The following MGRN1 variants were observed in gnomAD, a reference collection of about 807,000 sequenced individuals.
MGRN1 encodes mahogunin ring finger 1, also known as E3 ubiquitin-protein ligase MGRN1.
A neutral mutation model predicts 69.2 loss-of-function variants in MGRN1; 29 were observed. That is an observed-to-expected ratio of 0.42 (90% CI 0.31 to 0.57). The LOEUF (loss-of-function observed/expected upper bound fraction) is 0.57, where lower values mean the gene tolerates loss of function less well. Ranked by LOEUF, MGRN1 falls within the 20% of genes least tolerant of loss-of-function variation. The pLI is 0.15. For synonymous variants in MGRN1, 470 were observed against 344.2 expected (o/e 1.37, Z -4.04); for missense variants, 998 against 796.2 (o/e 1.25, Z -3.05).
chr16:4,655,415 C>A (rs188179992), intron 4 of MGRN1, among the ~76,000 whole-genome samples: 10 of 152,206 alleles, frequency 6.6e-5, no homozygotes, highest in Admixed American at 1.3e-4. Flanking sequence ...ACAGTCCCCC[C>A]CTCTCAGGAC....
At chr16:4,674,583 TTTTTTTTCTTTTCTTTTC>T in intron 10 of MGRN1, among the ~76,000 whole-genome samples, 3 of 141,730 alleles carry the variant, frequency 2.1e-5, no homozygotes, top group African/African-American at 7.8e-5. Context: ...CACCGCTTTT[TTTTTTTTCTTTTCTTTTC>T]TTTTTTTTTC....
intron 5 of MGRN1, among the ~76,000 whole-genome samples, chr16:4,660,858 G>A (rs1191273534): frequency 6.6e-6 from 1 of 152,244 alleles, no homozygotes; most frequent in African/African-American, 2.4e-5. Flanking sequence ...CCAGACCGGG[G>A]AAGGGAGTGT....
At chr16:4,665,347 G>A (rs1340594322) in intron 7 of MGRN1, among the ~76,000 whole-genome samples, 196 bp downstream of exon 7, 1 of 151,696 alleles carries the variant, frequency 6.6e-6, no homozygotes, top group African/African-American at 2.4e-5. Context: ...CCGCTGTCAG[G>A]AGGCTTAGCA....
chr16:4,671,946 C>T (rs2078945986), intron 9 of MGRN1, among the ~76,000 whole-genome samples: 1 of 152,228 alleles, frequency 6.6e-6, no homozygotes. Context: ...CACTCTGCTG[C>T]TCAGGCTGTA....
chr16:4,666,592 G>A (rs889645754), intron 7 of MGRN1, among the ~76,000 whole-genome samples: 1 of 152,208 alleles, frequency 6.6e-6, no homozygotes, highest in East Asian at 1.9e-4. Context: ...GGTGTGCAGA[G>A]ATCAGCAATG....
intron 8 of MGRN1, 107 bp downstream of exon 8, chr16:4,668,419 A>G: frequency 8.4e-7 from 1 of 1,192,260 alleles, no homozygotes; most frequent in Non-Finnish European, 1.2e-6. Context: ...ACGCACATAT[A>G]CTCATACACG....
At chr16:4,686,242 T>TAA in intron 16 of MGRN1, 1 of 1,541,246 alleles carries the variant, frequency 6.5e-7, no homozygotes, top group African/African-American at 1.4e-5. Flanking sequence ...CGTCTGTCTC[T>TAA]CCCCCTCTCC....
chr16:4,663,140 T>C (rs1231132253), intron 5 of MGRN1, among the ~76,000 whole-genome samples: 1 of 151,820 alleles, frequency 6.6e-6, no homozygotes, highest in East Asian at 1.9e-4. Flanking sequence ...CTCGGCTCAC[T>C]GCAATCTCCG....
At chr16:4,658,104 A>G (rs1567202016) in intron 5 of MGRN1, among the ~76,000 whole-genome samples, 1 of 151,634 alleles carries the variant, frequency 6.6e-6, no homozygotes, top group Non-Finnish European at 1.5e-5. Flanking sequence ...CTGCTTTGCT[A>G]GTTGCTCCTC....
intron 10 of MGRN1, among the ~76,000 whole-genome samples, chr16:4,675,537 G>A (rs536184386): frequency 1.3e-5 from 2 of 152,184 alleles, no homozygotes; most frequent in East Asian, 1.9e-4. Flanking sequence ...CCAAGAGTTC[G>A]AGACTAGCCT....
chr16:4,654,686 G>A (rs1363865291), intron 4 of MGRN1, among the ~76,000 whole-genome samples: 1 of 152,244 alleles, frequency 6.6e-6, no homozygotes, highest in Non-Finnish European at 1.5e-5. Flanking sequence ...AGTTCGGGTG[G>A]GTGGTGTGAG....
chr16:4,629,790 C>A (rs1439786001), intron 1 of MGRN1, among the ~76,000 whole-genome samples: 4 of 149,418 alleles, frequency 2.7e-5, no homozygotes, highest in African/African-American at 9.9e-5. Context: ...TCATGCCTGT[C>A]ATCTCAGCAT....
At chr16:4,679,430 A>G (rs1198915368) in intron 11 of MGRN1, among the ~76,000 whole-genome samples, 3 of 152,082 alleles carry the variant, frequency 2.0e-5, no homozygotes, top group African/African-American at 7.2e-5. Context: ...TCCTCTCTGC[A>G]TGGAGCAAAA....
chr16:4,684,988 C>T (rs546211107), intron 16 of MGRN1, among the ~76,000 whole-genome samples: 4 of 152,320 alleles, frequency 2.6e-5, no homozygotes, highest in East Asian at 3.9e-4. Context: ...CTTGTGCCCC[C>T]GGACTCTGGC....
chr16:4,655,057 C>G (rs747984533), intron 4 of MGRN1, among the ~76,000 whole-genome samples: 1 of 152,232 alleles, frequency 6.6e-6, no homozygotes, highest in Non-Finnish European at 1.5e-5. Context: ...GGGCAGGCCC[C>G]TCTGTCCCCT....
intron 10 of MGRN1, among the ~76,000 whole-genome samples, chr16:4,676,380 T>C (rs2079053705): frequency 6.6e-6 from 1 of 152,084 alleles, no homozygotes. Flanking sequence ...AGGGTGGCTG[T>C]GTGGCTGGAG....
chr16:4,673,230 T>C (rs749596144), intron 9 of MGRN1, among the ~76,000 whole-genome samples: 1 of 152,144 alleles, frequency 6.6e-6, no homozygotes, highest in African/African-American at 2.4e-5. Context: ...ATTTTTTCTT[T>C]AGGTCTGAAG....
At position 4,630,732 on chromosome 16, in the gene MGRN1, G is replaced by C. The variant is rs532220617; in HGVS notation, c.88+5684G>C. Among the ~76,000 whole-genome samples the C allele has an allele frequency of 7.2e-5, 11 of 151,886 alleles. No individual in the cohort carries two copies. In the East Asian group the frequency reaches 2.1e-3, roughly 29 times the overall value. ...ATTGCTGGGATTACAGGCGTGAGCC[G>C]CTGTGCCCGGCCTTTTCTAGAAGTT... On this transcript the variant is annotated intron_variant, in intron 1 of 16. Transcript: ENST00000262370.
intron 9 of MGRN1, 149 bp from the exon 10 acceptor site, chr16:4,673,348 TG>T: frequency 9.4e-7 from 1 of 1,064,198 alleles, no homozygotes; most frequent in Non-Finnish European, 1.4e-6. Context: ...GATTCTGCTC[TG>T]GGGCAACCTC....
Sources: allele counts gnomAD v4.1 joint callset (sites outside exome capture counted in the v4.1 genomes callset), GRCh38; gene constraint gnomAD v4.1.1; transcripts MANE v1.5; gene names NCBI Gene and HGNC (gene_info 2026-07-23, HGNC 2026-07-21).